The following SYT16 variants were observed in gnomAD, a reference collection of about 807,000 sequenced individuals.
SYT16 encodes synaptotagmin-16.
In SYT16, 42 loss-of-function variants were observed where a neutral mutation model predicts 61.4. That is an observed-to-expected ratio of 0.68 (90% confidence interval 0.53 to 0.89). SYT16 has a LOEUF of 0.89. SYT16 is among the 40% of genes least tolerant of loss of function. The pLI, the probability that SYT16 is intolerant of heterozygous loss-of-function variation, is 0.00. For missense variants in SYT16, 804 were observed against 807.3 expected (o/e 1.00, Z 0.05); for synonymous variants, 314 against 302.3 (o/e 1.04, Z -0.40).
chr14:62,012,415 A>G (rs1004958004), intron 3 of SYT16, among the ~76,000 whole-genome samples: 15 of 152,174 alleles, frequency 9.9e-5, no homozygotes, highest in Admixed American at 2.0e-4. Context: ...GGCTTCCCCA[A>G]CATGTCTGCT....
At chr14:61,855,786 C>G (rs2046755184) in intron 1 of SYT16, among the ~76,000 whole-genome samples, 1 of 152,108 alleles carries the variant, frequency 6.6e-6, no homozygotes, top group African/African-American at 2.4e-5. Context: ...GTTATAATGC[C>G]TAGGCAAAGT....
rs140409123 is a variant in SYT16, at chr14:61,847,261, C to T, written c.-325+34451C>T. On this transcript the variant is annotated intron_variant, in intron 1 of 7. Transcript: ENST00000683842. The stretch of plus-strand genomic sequence containing the variant: ...GGTGTTATTGAAATCTTTCAGCTTT[C>T]GTTTGTCTGGGAAAGTCTTTATTTT... Among the ~76,000 whole-genome samples, 504 of 152,232 alleles carry T rather than the reference C, an allele frequency of 3.3e-3. 3 individuals are homozygous for T. The highest frequency in any genetic ancestry group is 0.012 in the African/African-American group (478 of 41,558).
intron 1 of SYT16, among the ~76,000 whole-genome samples, chr14:61,879,785 T>C (rs1370426709): frequency 6.6e-6 from 1 of 152,232 alleles, no homozygotes; most frequent in Non-Finnish European, 1.5e-5. Context: ...AATGCATAAT[T>C]GTGCTCAGTG....
intron 1 of SYT16, among the ~76,000 whole-genome samples, chr14:61,918,662 G>A (rs539143514): frequency 6.6e-6 from 1 of 152,026 alleles, no homozygotes; most frequent in South Asian, 2.1e-4. Context: ...ACATGAATAT[G>A]TATAAATATT....
At position 61,996,483 on chromosome 14, in the gene SYT16, A is replaced by G; in HGVS notation, c.464A>G (p.Gln155Arg). The change falls in exon 3 of 8, where the codon CAA becomes CGA. Residue 155 changes from glutamine to arginine, a missense_variant. Coordinates refer to ENST00000683842, the MANE Select transcript of SYT16 (RefSeq NM_001367656.1). ...HHLEKQRSGL[Q>R]HGFDSQLPGT... ...CTTGAAAAGCAAAGAAGTGGCCTTC[A>G]ACATGGCTTTGACAGCCAGCTCCCT... The G allele has an allele frequency of 2.5e-6, 4 of 1,613,220 alleles. No individual in the cohort carries two copies. In the East Asian group the frequency reaches 8.9e-5, roughly 36 times the overall value.
chr14:61,992,145 A>G (rs2052579197), intron 2 of SYT16, among the ~76,000 whole-genome samples: 1 of 152,110 alleles, frequency 6.6e-6, no homozygotes, highest in African/African-American at 2.4e-5. Flanking sequence ...CACATTCAAA[A>G]CACTCTGAGG....
At chr14:61,987,056 A>G (rs2052346112) in intron 2 of SYT16, among the ~76,000 whole-genome samples, 1 of 152,180 alleles carries the variant, frequency 6.6e-6, no homozygotes, top group South Asian at 2.1e-4. Context: ...TGTTAATAAG[A>G]AATAAGGGGT....
intron 3 of SYT16, among the ~76,000 whole-genome samples, chr14:61,999,983 A>G (rs1195633258): frequency 1.3e-5 from 2 of 150,990 alleles, no homozygotes; most frequent in African/African-American, 4.9e-5. Context: ...GAATTGTTGG[A>G]TATTTCATGT....
At chr14:62,029,375 C>T (rs912074061) in intron 3 of SYT16, among the ~76,000 whole-genome samples, 2 of 152,152 alleles carry the variant, frequency 1.3e-5, no homozygotes, top group Non-Finnish European at 2.9e-5. Flanking sequence ...TCTTCCAATA[C>T]TTGGGGCAGC....
chr14:61,996,319 C>T lies in SYT16; in HGVS notation c.300C>T (p.Asp100=). Residue 100 remains aspartate, a synonymous_variant, in exon 3 of 8, where the codon GAC becomes GAT. Transcript: ENST00000683842. ...HFSCCNSDLQ[D]SAQNSSPSLS... ...CATGTTGTAATAGTGATTTGCAGGA[C>T]TCTGCCCAAAATTCAAGCCCAAGCC... 6.2e-7 allele frequency: 1 copy of T among 1,613,414 alleles called. No homozygotes were observed. Among genetic ancestry groups the T allele is most frequent in the Non-Finnish European group, 8.5e-7 (1 of 1,179,514 alleles).
intron 4 of SYT16, among the ~76,000 whole-genome samples, chr14:62,074,471 G>A (rs1405331841): frequency 6.6e-6 from 1 of 152,244 alleles, no homozygotes; most frequent in Non-Finnish European, 1.5e-5. Context: ...TTCAGGCCAG[G>A]CAGGTAAGCA....
intron 3 of SYT16, among the ~76,000 whole-genome samples, chr14:62,032,445 G>A (rs2054343441): frequency 6.6e-6 from 1 of 152,060 alleles, no homozygotes; most frequent in African/African-American, 2.4e-5. Context: ...CCTGCAAGCA[G>A]TGGCAATTTT....
intron 1 of SYT16, among the ~76,000 whole-genome samples, chr14:61,877,334 C>A (rs1224834669): frequency 6.6e-6 from 1 of 152,158 alleles, no homozygotes; most frequent in Non-Finnish European, 1.5e-5. Flanking sequence ...ACAGTTAGGT[C>A]TGGGGTCAGG....
At chr14:62,047,612 T>G (rs2055053158) in intron 3 of SYT16, among the ~76,000 whole-genome samples, 2 of 152,200 alleles carry the variant, frequency 1.3e-5, no homozygotes, top group South Asian at 2.1e-4. Flanking sequence ...GCTGTGGGTT[T>G]GTCATAGATA....
At chr14:62,078,130 G>GCTCTCT (rs1368534893) in intron 5 of SYT16, among the ~76,000 whole-genome samples, 16 of 129,932 alleles carry the variant, frequency 1.2e-4, no homozygotes, top group African/African-American at 2.0e-4. Flanking sequence ...TCTCTCTAGT[G>GCTCTCT]CTCTCTCGCT....
chr14:62,015,871 C>T (rs567206133), intron 3 of SYT16, among the ~76,000 whole-genome samples: 2 of 152,282 alleles, frequency 1.3e-5, no homozygotes, highest in Non-Finnish European at 2.9e-5. Flanking sequence ...GCAGCCTGAA[C>T]GAACTAAAAT....
At chr14:61,873,200 T>A (rs1285158139) in intron 1 of SYT16, among the ~76,000 whole-genome samples, 2 of 152,214 alleles carry the variant, frequency 1.3e-5, no homozygotes, top group East Asian at 3.8e-4. Flanking sequence ...TAGTCCCTAA[T>A]GTTTGCTATT....
chr14:61,887,280 A>C (rs2047945289), intron 1 of SYT16, among the ~76,000 whole-genome samples: 1 of 152,126 alleles, frequency 6.6e-6, no homozygotes, highest in Non-Finnish European at 1.5e-5. Flanking sequence ...CATTCTATAA[A>C]CAGATATGCT....
At chr14:62,078,614 G>A (rs1233612300) in intron 5 of SYT16, among the ~76,000 whole-genome samples, 1 of 152,174 alleles carries the variant, frequency 6.6e-6, no homozygotes, top group Non-Finnish European at 1.5e-5. Context: ...AAGAAGGGAG[G>A]TCAAGTGTGA....
Sources: gnomAD v4.1 joint callset for allele counts (sites outside exome capture counted in the v4.1 genomes callset) on GRCh38, gnomAD v4.1.1 for gene constraint, MANE v1.5 for transcripts, NCBI Gene and HGNC (gene_info 2026-07-23, HGNC 2026-07-21) for gene names.